SHANK2: variants seen among roughly 807,000 people sequenced by gnomAD.
The protein encoded by SHANK2 is SH3 and multiple ankyrin repeat domains 2, also known as SH3 and multiple ankyrin repeat domains protein 2.
In SHANK2, 43 loss-of-function variants were observed where a neutral mutation model predicts 133.7. That is an observed-to-expected ratio of 0.32 (90% CI 0.25 to 0.41). The LOEUF is 0.41. Among genes scored for constraint, SHANK2 ranks in the 10% least tolerant of loss-of-function variants. SHANK2 has a pLI of 1.00. For missense variants in SHANK2, 1,994 were observed against 2,235.8 expected, an observed-to-expected ratio of 0.89 and a Z score of 2.18; for synonymous variants, 1,017 against 952.8, an observed-to-expected ratio of 1.07 and a Z score of -1.24.
At chr11:70,700,133 C>T (rs1050118826) in intron 14 of SHANK2, among the ~76,000 whole-genome samples, 1 of 152,180 alleles carries the variant, frequency 6.6e-6, no homozygotes, top group Non-Finnish European at 1.5e-5. Context: ...CACATGGAAG[C>T]TCCCAGCTGT....
chr11:71,071,532 G>A (rs1170543881), intron 9 of SHANK2, among the ~76,000 whole-genome samples: 1 of 152,242 alleles, frequency 6.6e-6, no homozygotes, highest in African/African-American at 2.4e-5. Context: ...CCTGGTCCTG[G>A]ACATTTTGCC....
intron 14 of SHANK2, among the ~76,000 whole-genome samples, chr11:70,784,343 GTTTTTTT>G (rs71049942): frequency 3.3e-4 from 14 of 42,858 alleles, no homozygotes; most frequent in African/African-American, 4.8e-4. Flanking sequence ...ACACCGGCTA[GTTTTTTT>G]TTTTTTTTTT....
intron 17 of SHANK2, among the ~76,000 whole-genome samples, chr11:70,582,657 G>A (rs11236734): frequency 0.057 from 8,726 of 152,254 alleles, 855 homozygotes; most frequent in African/African-American, 0.2. Context: ...GGGGATGCAG[G>A]GTCTCACTTC....
chr11:70,934,318 C>T (rs1590848917), intron 10 of SHANK2, among the ~76,000 whole-genome samples: 1 of 152,044 alleles, frequency 6.6e-6, no homozygotes, highest in Admixed American at 6.5e-5. Context: ...CACTTCCTGC[C>T]GCACACTCAG....
At chr11:70,887,986 A>G (rs1216316643) in intron 11 of SHANK2, among the ~76,000 whole-genome samples, 1 of 152,180 alleles carries the variant, frequency 6.6e-6, no homozygotes, top group African/African-American at 2.4e-5. Flanking sequence ...CTTCATCCAT[A>G]TGTCTCCTAA....
chr11:70,950,414 C>A (rs936757405), intron 10 of SHANK2, among the ~76,000 whole-genome samples: 1 of 152,172 alleles, frequency 6.6e-6, no homozygotes, highest in Non-Finnish European at 1.5e-5. Context: ...TGGTCTCGAA[C>A]TCCTGACCTC....
intron 14 of SHANK2, among the ~76,000 whole-genome samples, chr11:70,736,784 C>T (rs970430366): frequency 8.5e-5 from 13 of 152,334 alleles, no homozygotes; most frequent in African/African-American, 3.1e-4. Flanking sequence ...CCACCCCACC[C>T]TCACACCCTT....
Position 70,503,032 on chromosome 11 carries a change from C to A in SHANK2, c.2062-101G>T, listed in dbSNP as rs995292617. The A allele has an allele frequency of 6.8e-6, 9 of 1,325,146 alleles. No individual in the cohort carries two copies. The African/African-American group carries it at 7.2e-5, about 11-fold the overall frequency. 82.1% of individuals were successfully genotyped at this position (1,325,146 alleles called of 1,614,324 possible). A position where few individuals can be genotyped will look rare whatever the true frequency, so the allele number is the denominator to read the frequency against. ...GACATGTGGGCTCCTAAAAAGGGGG[C>A]AAATGCAGGGAAGCAAAGGGAGTGA... On this transcript the variant is annotated intron_variant, in intron 17 of 25. Coordinates refer to ENST00000601538, the MANE Select transcript of SHANK2 (RefSeq NM_012309.5).
At chr11:70,708,681 G>A (rs1444615052) in intron 14 of SHANK2, among the ~76,000 whole-genome samples, 2 of 152,216 alleles carry the variant, frequency 1.3e-5, no homozygotes, top group Non-Finnish European at 2.9e-5. Flanking sequence ...GCCTTGGATC[G>A]TCTGCCTTGG....
chr11:70,818,820 C>T lies in SHANK2; in HGVS notation c.1493+1544G>A, dbSNP rs566330350. Among the ~76,000 whole-genome samples, 6 of 152,364 alleles carry T rather than the reference C, an allele frequency of 3.9e-5. No individual in the cohort carries two copies. In the South Asian group the frequency reaches 1.2e-3, roughly 32 times the overall value. On this transcript the variant is annotated intron_variant, in intron 12 of 25. Coordinates refer to ENST00000601538, the MANE Select transcript of SHANK2 (RefSeq NM_012309.5). ...GCCGGGAGAAGTGGGCTCTCACCGG[C>T]ATGTTCTCCCCACAAACTCCTTGGC...
intron 3 of SHANK2, among the ~76,000 whole-genome samples, chr11:71,128,478 G>C (rs529748159): frequency 6.6e-6 from 1 of 152,094 alleles, no homozygotes; most frequent in Non-Finnish European, 1.5e-5. Context: ...GTGGGACAGG[G>C]GCTGACATGG....
chr11:70,751,941 C>A (rs964622346), intron 14 of SHANK2, among the ~76,000 whole-genome samples: 1 of 151,076 alleles, frequency 6.6e-6, no homozygotes, highest in Non-Finnish European at 1.5e-5. Context: ...CAAAAATTAT[C>A]GGGAAAGAAA....
At chr11:70,898,868 T>A (rs1949981877) in intron 10 of SHANK2, among the ~76,000 whole-genome samples, 1 of 152,110 alleles carries the variant, frequency 6.6e-6, no homozygotes, top group Non-Finnish European at 1.5e-5. Context: ...ATGTATGGGA[T>A]TATAAAAGCA....
chr11:71,198,045 C>T (rs1043667828), intron 2 of SHANK2, among the ~76,000 whole-genome samples: 1 of 152,226 alleles, frequency 6.6e-6, no homozygotes, highest in Admixed American at 6.5e-5. Context: ...ACTCTGTGTG[C>T]CGTTTCCGGT....
At chr11:71,164,675 C>A (rs1953102917) in intron 2 of SHANK2, among the ~76,000 whole-genome samples, 2 of 152,222 alleles carry the variant, frequency 1.3e-5, no homozygotes, top group Non-Finnish European at 2.9e-5. Context: ...CGGAGATGTG[C>A]CTGTTACTAA....
At chr11:71,112,698 G>T (rs575557875) in intron 5 of SHANK2, among the ~76,000 whole-genome samples, 2 of 152,098 alleles carry the variant, frequency 1.3e-5, no homozygotes, top group Admixed American at 6.5e-5. Flanking sequence ...AAAGTGCTCC[G>T]CCCACACACC....
intron 17 of SHANK2, among the ~76,000 whole-genome samples, chr11:70,621,369 C>T (rs933485830): frequency 5.3e-5 from 8 of 152,212 alleles, no homozygotes; most frequent in African/African-American, 1.7e-4. Context: ...GAAGCAGAAC[C>T]CAGACCAGCT....
intron 17 of SHANK2, among the ~76,000 whole-genome samples, chr11:70,614,029 TGCTGGGATCACAG>T: frequency 6.6e-6 from 1 of 152,198 alleles, no homozygotes; most frequent in South Asian, 2.1e-4. Flanking sequence ...CCTCCCAAAG[TGCTGGGATCACAG>T]GCATGAGCCA....
intron 2 of SHANK2, among the ~76,000 whole-genome samples, chr11:71,217,348 A>G (rs1386925945): frequency 6.6e-6 from 1 of 151,776 alleles, no homozygotes; most frequent in Non-Finnish European, 1.5e-5. Context: ...TCTACTAATA[A>G]ATACAAAAAT....
Sources: allele counts gnomAD v4.1 joint callset (sites outside exome capture counted in the v4.1 genomes callset), GRCh38; gene constraint gnomAD v4.1.1; transcripts MANE v1.5; gene names NCBI Gene and HGNC (gene_info 2026-07-23, HGNC 2026-07-21).